The following FIRRM variants were observed in gnomAD, a reference collection of about 807,000 sequenced individuals.
The protein encoded by FIRRM is FIGNL1 interacting regulator of recombination and mitosis.
At chr1:169,785,106 T>C in the FIRRM span, among the ~76,000 whole-genome samples, 1 of 152,154 alleles carries the variant, frequency 6.6e-6, no homozygotes, top group African/African-American at 2.4e-5. Context: ...CTTGTGTACA[T>C]GTTGAGATGG....
chr1:169,853,690 TA>T, the FIRRM span: 1 of 1,609,816 alleles, frequency 6.2e-7, no homozygotes, highest in Non-Finnish European at 8.5e-7. Context: ...TCCTTTTTCC[TA>T]AAGTTTAACT....
the FIRRM span, chr1:169,830,744 T>A: frequency 1.2e-6 from 2 of 1,613,848 alleles, no homozygotes; most frequent in Non-Finnish European, 1.7e-6. Context: ...TAGTGGCTCA[T>A]CTGGTGCGTA....
chr1:169,787,874 GT>G, the FIRRM span, among the ~76,000 whole-genome samples: 3 of 151,244 alleles, frequency 2.0e-5, no homozygotes, highest in East Asian at 3.9e-4. Context: ...ATGTTACATA[GT>G]TTTTTTTCAT....
the FIRRM span, among the ~76,000 whole-genome samples, chr1:169,844,726 T>G: frequency 6.6e-6 from 1 of 152,206 alleles, no homozygotes; most frequent in Non-Finnish European, 1.5e-5. Context: ...TTCTGAAAGC[T>G]CTAATATTTT....
chr1:169,808,819 G>A, the FIRRM span, among the ~76,000 whole-genome samples: 41 of 152,080 alleles, frequency 2.7e-4, no homozygotes, highest in African/African-American at 9.9e-4. Flanking sequence ...GGCTGGTCTC[G>A]AACTCCTGAC....
the FIRRM span, among the ~76,000 whole-genome samples, chr1:169,807,094 T>A: frequency 6.6e-6 from 1 of 152,292 alleles, no homozygotes; most frequent in South Asian, 2.1e-4. Context: ...TGATTAAGAA[T>A]AACAACCTAA....
At chr1:169,801,338 G>A in the FIRRM span, among the ~76,000 whole-genome samples, 16 of 151,748 alleles carry the variant, frequency 1.1e-4, no homozygotes, top group South Asian at 3.3e-3. Flanking sequence ...CCAGCTACTT[G>A]GGAGACTGAG....
the FIRRM span, among the ~76,000 whole-genome samples, chr1:169,801,683 T>C: frequency 1.3e-5 from 2 of 151,870 alleles, no homozygotes; most frequent in Non-Finnish European, 2.9e-5. Context: ...GAATACATTA[T>C]TACATTTTAG....
At chr1:169,814,182 T>A in the FIRRM span, among the ~76,000 whole-genome samples, 12 of 152,226 alleles carry the variant, frequency 7.9e-5, no homozygotes, top group Admixed American at 2.6e-4. Context: ...CAGACTTTTT[T>A]AAATTGTCAT....
chr1:169,803,058 AAGAG>A, the FIRRM span: 4 of 926,078 alleles, frequency 4.3e-6, no homozygotes, highest in Admixed American at 1.1e-4. Flanking sequence ...TGAAAAGAGG[AAGAG>A]ACTGTGTTTT....
the FIRRM span, chr1:169,800,805 C>T: frequency 1.0e-5 from 5 of 485,132 alleles, no homozygotes; most frequent in South Asian, 4.8e-5. Context: ...TGGTAGTATT[C>T]TTGCATTTAA....
the FIRRM span, among the ~76,000 whole-genome samples, chr1:169,817,183 G>A: frequency 4.6e-5 from 7 of 152,028 alleles, no homozygotes; most frequent in South Asian, 2.1e-4. Context: ...TGCTTGCCCT[G>A]TTTGATATCC....
At chr1:169,847,550 G>C in the FIRRM span, 1 of 590,850 alleles carries the variant, frequency 1.7e-6, no homozygotes, top group Non-Finnish European at 3.0e-6. Context: ...GTGAAGTTCA[G>C]GGGCTGTGGT....
the FIRRM span, chr1:169,851,672 TAA>T: frequency 1.1e-6 from 1 of 875,834 alleles, no homozygotes; most frequent in Non-Finnish European, 1.8e-6. Flanking sequence ...CAGATTATAC[TAA>T]GAGTATTTAT....
At chr1:169,793,529 G>C in the FIRRM span, 353 of 1,614,148 alleles carry the variant, frequency 2.2e-4, no homozygotes, top group Non-Finnish European at 2.7e-4. Context: ...GTGATCCTGA[G>C]GCAAGTCAAA....
At chr1:169,850,548 AGCACTTTGGGAG>A in the FIRRM span, 7 of 448,652 alleles carry the variant, frequency 1.6e-5, no homozygotes, top group Non-Finnish European at 2.8e-5. Context: ...CTGTAATCCC[AGCACTTTGGGAG>A]GCCAAGGTGG....
the FIRRM span, among the ~76,000 whole-genome samples, chr1:169,800,173 G>A: frequency 5.7e-3 from 860 of 152,212 alleles, 11 homozygotes; most frequent in African/African-American, 0.02. Flanking sequence ...AGCTGAGACC[G>A]CAGGTGCGTG....
At chr1:169,816,681 C>G in the FIRRM span, among the ~76,000 whole-genome samples, 4 of 152,244 alleles carry the variant, frequency 2.6e-5, no homozygotes, top group Middle Eastern at 3.4e-3. Context: ...ACTTGGGGCT[C>G]CTGGGCCTGT....
chr1:169,844,713 T>C, the FIRRM span, among the ~76,000 whole-genome samples: 1 of 152,110 alleles, frequency 6.6e-6, no homozygotes, highest in South Asian at 2.1e-4. Flanking sequence ...AATTTGATTC[T>C]GATTCTGAAA....
Sources: allele counts gnomAD v4.1 joint callset (sites outside exome capture counted in the v4.1 genomes callset), GRCh38; gene constraint gnomAD v4.1.1; transcripts MANE v1.5; gene names NCBI Gene and HGNC (gene_info 2026-07-23, HGNC 2026-07-21).